CAMKMT: variants seen among roughly 807,000 people sequenced by gnomAD.
CAMKMT encodes the protein CaM KMT.
In CAMKMT, 53 loss-of-function variants were observed where a neutral mutation model predicts 48.0. The observed-to-expected ratio is 1.10, with a 90% CI of 0.89 to 1.39. CAMKMT has a LOEUF of 1.39. Ranked by LOEUF, CAMKMT falls within the 40% of genes most tolerant of loss-of-function variation. The pLI is 0.00. For synonymous variants in CAMKMT, 165 were observed against 152.3 expected, an observed-to-expected ratio of 1.08 and a Z score of -0.61; for missense variants, 428 against 402.7, an observed-to-expected ratio of 1.06 and a Z score of -0.54.
intron 3 of CAMKMT, among the ~76,000 whole-genome samples, chr2:44,499,675 A>C (rs17032309): frequency 0.057 from 8,683 of 152,256 alleles, 312 homozygotes; most frequent in South Asian, 0.13. Context: ...AATTCTTCTA[A>C]TATTACTTGG....
At chr2:44,671,629 G>A (rs1675334012) in intron 3 of CAMKMT, among the ~76,000 whole-genome samples, 1 of 152,178 alleles carries the variant, frequency 6.6e-6, no homozygotes, top group African/African-American at 2.4e-5. Flanking sequence ...TCCTCTGGTT[G>A]AGAACCACTG....
At chr2:44,684,847 G>T (rs910781617) in intron 3 of CAMKMT, among the ~76,000 whole-genome samples, 39 of 152,286 alleles carry the variant, frequency 2.6e-4, no homozygotes, top group African/African-American at 9.1e-4. Flanking sequence ...GTCAGTGAAA[G>T]TGGATTGAGT....
intron 10 of CAMKMT, among the ~76,000 whole-genome samples, chr2:44,771,063 T>G (rs1270743641): frequency 6.6e-6 from 1 of 152,182 alleles, no homozygotes; most frequent in Non-Finnish European, 1.5e-5. Flanking sequence ...AGAAGGAACA[T>G]GCACTTCGAA....
chr2:44,606,841 AG>A (rs1572905567), intron 3 of CAMKMT, among the ~76,000 whole-genome samples: 1 of 146,774 alleles, frequency 6.8e-6, no homozygotes, highest in African/African-American at 2.5e-5. Context: ...GTGAGAGTTC[AG>A]TTTATCTATA....
rs532719354 is a variant in CAMKMT at position 44,389,264 on chromosome 2, C to T, written c.312-977C>T. Among the ~76,000 whole-genome samples the T allele has an allele frequency of 5.3e-5, 8 of 152,114 alleles. No individual in the cohort carries two copies. The East Asian group carries it at 1.5e-3, about 29-fold the overall frequency. ...CCAGTCACATTGCATTAGGGCCCAC[C>T]CTAATGACCCTATTTTAACTAAATT... On this transcript the variant is annotated intron_variant, in intron 2 of 10. Coordinates refer to ENST00000378494, the MANE Select transcript of CAMKMT (RefSeq NM_024766.5).
At chr2:44,434,512 T>TC (rs1684834790) in intron 3 of CAMKMT, among the ~76,000 whole-genome samples, 1 of 152,196 alleles carries the variant, frequency 6.6e-6, no homozygotes, top group East Asian at 1.9e-4. Context: ...ACCTAAGCTC[T>TC]CCATTTATGC....
intron 9 of CAMKMT, among the ~76,000 whole-genome samples, chr2:44,760,155 G>A (rs1452345301): frequency 6.6e-6 from 1 of 152,182 alleles, no homozygotes; most frequent in African/African-American, 2.4e-5. Context: ...TATGGTGGGT[G>A]CCAGGAAAGA....
At chr2:44,770,813 G>A (rs1292368165) in intron 10 of CAMKMT, among the ~76,000 whole-genome samples, 1 of 152,174 alleles carries the variant, frequency 6.6e-6, no homozygotes, top group African/African-American at 2.4e-5. Flanking sequence ...AATCCACAAG[G>A]ATCTTCCTAA....
At chr2:44,522,770 C>A (rs1671185855) in intron 3 of CAMKMT, among the ~76,000 whole-genome samples, 1 of 152,168 alleles carries the variant, frequency 6.6e-6, no homozygotes, top group African/African-American at 2.4e-5. Flanking sequence ...GGATCCTTTA[C>A]ATTACCTCTA....
chr2:44,411,320 G>T (rs555834797), intron 3 of CAMKMT, among the ~76,000 whole-genome samples: 1 of 152,154 alleles, frequency 6.6e-6, no homozygotes, highest in East Asian at 1.9e-4. Flanking sequence ...TAAGCACTGG[G>T]GATACAAAGG....
chr2:44,428,457 G>C (rs570060255), intron 3 of CAMKMT, among the ~76,000 whole-genome samples: 1 of 152,142 alleles, frequency 6.6e-6, no homozygotes, highest in Non-Finnish European at 1.5e-5. Context: ...TAGGAAGTGT[G>C]GGGGGCAAAA....
chr2:44,486,909 A>C (rs1272603308), intron 3 of CAMKMT, among the ~76,000 whole-genome samples: 1 of 152,244 alleles, frequency 6.6e-6, no homozygotes, highest in African/African-American at 2.4e-5. Flanking sequence ...GAATAAAATA[A>C]GTACATGAAT....
chr2:44,594,825 A>G (rs183494275), intron 3 of CAMKMT, among the ~76,000 whole-genome samples: 1 of 152,262 alleles, frequency 6.6e-6, no homozygotes, highest in African/African-American at 2.4e-5. Flanking sequence ...ATCTAATTAA[A>G]TGAAAGAGCT....
chr2:44,362,792 G>C (rs1678070910), intron 1 of CAMKMT, among the ~76,000 whole-genome samples: 1 of 152,196 alleles, frequency 6.6e-6, no homozygotes, highest in Admixed American at 6.5e-5. Context: ...TTGAATGATG[G>C]TATCTTCTGG....
At chr2:44,704,858 C>T (rs1194023270) in intron 4 of CAMKMT, among the ~76,000 whole-genome samples, 2 of 151,236 alleles carry the variant, frequency 1.3e-5, no homozygotes, top group Non-Finnish European at 2.9e-5. Context: ...TATAAATTAC[C>T]ATTACGGATT....
intron 2 of CAMKMT, among the ~76,000 whole-genome samples, chr2:44,381,720 T>A (rs766444339): frequency 2.0e-5 from 3 of 152,104 alleles, no homozygotes; most frequent in Non-Finnish European, 4.4e-5. Flanking sequence ...GAATAACAAA[T>A]TGCAAAACAA....
At chr2:44,669,538 G>T (rs921884299) in intron 3 of CAMKMT, among the ~76,000 whole-genome samples, 1 of 152,156 alleles carries the variant, frequency 6.6e-6, no homozygotes, top group Non-Finnish European at 1.5e-5. Flanking sequence ...CTGGATGAAA[G>T]TTCCCATTCC....
chr2:44,533,242 AT>A (rs546325795), intron 3 of CAMKMT, among the ~76,000 whole-genome samples: 175 of 145,048 alleles, frequency 1.2e-3, no homozygotes, highest in Middle Eastern at 3.6e-3. Flanking sequence ...TTAATAACAG[AT>A]TTTTTTTTTT....
chr2:44,670,207 T>C (rs1469271581), intron 3 of CAMKMT, among the ~76,000 whole-genome samples: 1 of 152,262 alleles, frequency 6.6e-6, no homozygotes, highest in Non-Finnish European at 1.5e-5. Flanking sequence ...CAGAAATTTC[T>C]TGAACTATAA....
Sources: gnomAD v4.1 joint callset for allele counts (sites outside exome capture counted in the v4.1 genomes callset) on GRCh38, gnomAD v4.1.1 for gene constraint, MANE v1.5 for transcripts, NCBI Gene and HGNC (gene_info 2026-07-23, HGNC 2026-07-21) for gene names.